DIAPH2: variants seen among roughly 807,000 people sequenced by gnomAD.
DIAPH2 encodes the protein protein diaphanous homolog 2.
Under a neutral mutation model 92.7 loss-of-function variants are expected in DIAPH2, and 35 were observed. The observed-to-expected ratio is 0.38, with a 90% CI of 0.29 to 0.50. The LOEUF (loss-of-function observed/expected upper bound fraction) is 0.50, where lower values mean the gene tolerates loss of function less well. Ranked by LOEUF, DIAPH2 falls within the 20% of genes least tolerant of loss-of-function variation. The pLI is 0.94. For missense variants in DIAPH2, 701 were observed against 819.5 expected (o/e 0.86, Z 1.77); for synonymous variants, 301 against 280.4 (o/e 1.07, Z -0.73).
intron 19 of DIAPH2, among the ~76,000 whole-genome samples, chrX:97,096,438 A>G (rs940871309): frequency 1.2e-4 from 13 of 111,576 alleles, no homozygotes; most frequent in Non-Finnish European, 2.3e-4. Context: ...CAAAAGTCTC[A>G]ACATTAGATG....
At chrX:96,874,880 A>G (rs895942352) in intron 4 of DIAPH2, among the ~76,000 whole-genome samples, 21 of 111,914 alleles carry the variant, frequency 1.9e-4, no homozygotes, top group African/African-American at 6.8e-4. Context: ...AGAATTAAAA[A>G]CTATGTTTAG....
At chrX:97,390,952 C>T (rs1044580721) in intron 25 of DIAPH2, among the ~76,000 whole-genome samples, 7 of 111,643 alleles carry the variant, frequency 6.3e-5, no homozygotes, top group African/African-American at 1.3e-4. Flanking sequence ...GCTCTATTTA[C>T]GTATCAGTCA....
At chrX:97,216,646 GA>G (rs1421534957) in intron 22 of DIAPH2, among the ~76,000 whole-genome samples, 3 of 111,104 alleles carry the variant, frequency 2.7e-5, no homozygotes, top group Non-Finnish European at 5.7e-5. Flanking sequence ...GTTAAGAGAA[GA>G]AGGGGGTATA....
At chrX:96,751,643 C>A (rs1254676070) in intron 3 of DIAPH2, among the ~76,000 whole-genome samples, 1 of 92,218 alleles carries the variant, frequency 1.1e-5, no homozygotes, top group African/African-American at 3.9e-5. Context: ...AACTAGACTT[C>A]AGTGTTTTGT....
In DIAPH2 at chrX:96,712,762, G is replaced by A. The variant is rs753739480; in HGVS notation, c.133-22996G>A. Among the ~76,000 whole-genome samples the A allele has an allele frequency of 3.6e-5, 4 of 111,239 alleles. No individual in the cohort carries two copies. The South Asian group carries it at 1.5e-3, about 42-fold the overall frequency. ...ACCTGTAGTCCATCTAGATTTGTTT[G>A]TTGCAAATTTTATGCATAGATCCTC... On this transcript the variant is annotated intron_variant, in intron 1 of 26. Coordinates refer to ENST00000324765, the MANE Select transcript of DIAPH2 (RefSeq NM_006729.5).
chrX:96,894,465 G>A (rs1233372663), intron 5 of DIAPH2, among the ~76,000 whole-genome samples: 1 of 111,602 alleles, frequency 9.0e-6, no homozygotes, highest in Admixed American at 9.5e-5. Flanking sequence ...ATCTTGAAGT[G>A]GATACAGCAC....
At chrX:97,209,374 G>A (rs190849800) in intron 22 of DIAPH2, among the ~76,000 whole-genome samples, 295 of 111,046 alleles carry the variant, frequency 2.7e-3, no homozygotes, top group Middle Eastern at 0.014. Flanking sequence ...ATAAAAACAA[G>A]CAAATGCCCA....
At chrX:96,991,091 C>T (rs2066066466) in intron 17 of DIAPH2, among the ~76,000 whole-genome samples, 1 of 109,853 alleles carries the variant, frequency 9.1e-6, no homozygotes, top group Non-Finnish European at 1.9e-5. Flanking sequence ...CTCAATAATC[C>T]TTTGAGGTTA....
chrX:97,261,150 T>G (rs2068285092), intron 23 of DIAPH2, among the ~76,000 whole-genome samples: 1 of 112,642 alleles, frequency 8.9e-6, no homozygotes, highest in African/African-American at 3.2e-5. Flanking sequence ...ATTATAAGTT[T>G]ATAAAAACCT....
chrX:97,146,007 C>CTTTTTTTTTTTTTTTTT (rs372292277), intron 22 of DIAPH2, among the ~76,000 whole-genome samples: 3 of 43,169 alleles, frequency 6.9e-5, no homozygotes, highest in Non-Finnish European at 1.2e-4. Context: ...TTTCTTCTTC[C>CTTTTTTTTTTTTTTTTT]TTTTTTTTTT....
At chrX:97,214,879 A>G (rs950302709) in intron 22 of DIAPH2, among the ~76,000 whole-genome samples, 1 of 108,378 alleles carries the variant, frequency 9.2e-6, no homozygotes, top group African/African-American at 3.3e-5. Flanking sequence ...TTTTAAAATG[A>G]CGATTATAAA....
chrX:96,934,246 A>T (rs189673730), intron 10 of DIAPH2, among the ~76,000 whole-genome samples: 2 of 112,093 alleles, frequency 1.8e-5, no homozygotes, highest in East Asian at 5.6e-4. Context: ...AATTTATAGT[A>T]ACATTACATA....
intron 1 of DIAPH2, among the ~76,000 whole-genome samples, chrX:96,690,077 ACTT>A (rs1245375665): frequency 9.1e-6 from 1 of 109,901 alleles, no homozygotes; most frequent in African/African-American, 3.3e-5. Context: ...AACTCAGTAA[ACTT>A]CTTCAGGGCT....
chrX:97,450,823 T>C (rs1352944937), intron 26 of DIAPH2, among the ~76,000 whole-genome samples: 2 of 110,722 alleles, frequency 1.8e-5, no homozygotes, highest in Non-Finnish European at 3.8e-5. Context: ...CATTAAGATG[T>C]ACTGTCCATT....
At chrX:97,409,323 G>C (rs1437035311) in intron 25 of DIAPH2, among the ~76,000 whole-genome samples, 3 of 111,987 alleles carry the variant, frequency 2.7e-5, no homozygotes, top group Non-Finnish European at 3.8e-5. Flanking sequence ...GGGAAATCTT[G>C]TAAATAACAT....
chrX:96,789,169 G>A (rs752808837), intron 4 of DIAPH2, among the ~76,000 whole-genome samples: 1 of 111,883 alleles, frequency 8.9e-6, no homozygotes, highest in East Asian at 2.8e-4. Context: ...TCCCTCCCAC[G>A]AGGGGTCACA....
intron 5 of DIAPH2, among the ~76,000 whole-genome samples, chrX:96,906,948 T>C (rs1260018859): frequency 8.9e-6 from 1 of 111,758 alleles, no homozygotes; most frequent in African/African-American, 3.3e-5. Context: ...TCTTGGCTGC[T>C]GGTTCACTCA....
At chrX:96,743,880 T>C (rs2064134236) in intron 3 of DIAPH2, among the ~76,000 whole-genome samples, 2 of 112,145 alleles carry the variant, frequency 1.8e-5, no homozygotes, top group African/African-American at 3.2e-5. Flanking sequence ...AATGCACATA[T>C]TAATTAGCTA....
intron 25 of DIAPH2, among the ~76,000 whole-genome samples, chrX:97,418,217 T>C (rs756301696): frequency 8.9e-6 from 1 of 112,614 alleles, no homozygotes; most frequent in East Asian, 2.8e-4. Flanking sequence ...CCTGCAGTTA[T>C]GCAAGGAGTT....
Sources: allele counts gnomAD v4.1 joint callset (sites outside exome capture counted in the v4.1 genomes callset), GRCh38; gene constraint gnomAD v4.1.1; transcripts MANE v1.5; gene names NCBI Gene and HGNC (gene_info 2026-07-23, HGNC 2026-07-21).